The following KDM2A variants were observed in gnomAD, a reference collection of about 807,000 sequenced individuals.
The protein encoded by KDM2A is lysine-specific demethylase 2A.
Under a neutral mutation model 137.3 loss-of-function variants are expected in KDM2A, and 3 were observed. That is an observed-to-expected ratio of 0.02 (90% CI 0.01 to 0.06). The LOEUF (loss-of-function observed/expected upper bound fraction) is 0.06. Ranked by LOEUF, KDM2A falls within the 10% of genes least tolerant of loss-of-function variation. The pLI is 1.00. For synonymous variants in KDM2A, 512 were observed against 541.5 expected, an observed-to-expected ratio of 0.95 and a Z score of 0.76; for missense variants, 738 against 1,510.6, an observed-to-expected ratio of 0.49 and a Z score of 8.48.
At chr11:67,136,648 G>A (rs1170401540) in intron 2 of KDM2A, among the ~76,000 whole-genome samples, 1 of 152,182 alleles carries the variant, frequency 6.6e-6, no homozygotes, top group Non-Finnish European at 1.5e-5. Context: ...TTTGTACTGA[G>A]ACCTGAGTGA....
At chr11:67,153,613 A>G (rs1435295485) in intron 2 of KDM2A, among the ~76,000 whole-genome samples, 1 of 152,128 alleles carries the variant, frequency 6.6e-6, no homozygotes, top group East Asian at 1.9e-4. Context: ...CGGAAGGATT[A>G]TTTCAGACCA....
chr11:67,204,216 A>G (rs1857734789), intron 5 of KDM2A, among the ~76,000 whole-genome samples: 2 of 152,120 alleles, frequency 1.3e-5, no homozygotes. Flanking sequence ...TGCATAGAAC[A>G]TTTCATTGTC....
chr11:67,194,273 A>G (rs953674369), intron 5 of KDM2A, among the ~76,000 whole-genome samples: 76 of 152,214 alleles, frequency 5.0e-4, no homozygotes, highest in African/African-American at 1.6e-3. Context: ...CCTTTCCCAA[A>G]CTGGGGGAGG....
At chr11:67,121,925 A>G (rs1050096691) in intron 2 of KDM2A, among the ~76,000 whole-genome samples, 5 of 152,200 alleles carry the variant, frequency 3.3e-5, no homozygotes, top group Non-Finnish European at 7.3e-5. Flanking sequence ...AATGTACGAG[A>G]TAGATCTTGT....
rs1054594076 is a variant in KDM2A at position 67,257,541 on chromosome 11, A to G, written c.*2486A>G. The G allele has an allele frequency of 6.6e-6, 1 of 152,546 alleles. No individual in the cohort carries two copies. The highest frequency in any genetic ancestry group is 2.4e-5 in the African/African-American group (1 of 41,420). 9.4% of individuals were successfully genotyped at this position (152,546 alleles called of 1,614,324 possible). A position where few individuals can be genotyped will look rare whatever the true frequency, so the allele number is the denominator to read the frequency against. On this transcript the variant is annotated 3_prime_UTR_variant, in exon 21 of 21. Coordinates refer to ENST00000529006, the MANE Select transcript of KDM2A (RefSeq NM_012308.3). ...CTGCAGGACCAGAACCCCTGCCTCC[A>G]TCTTTCCAAGCACCGGGGCGAAAAA...
At chr11:67,195,994 T>A in intron 5 of KDM2A, 1 of 431,566 alleles carries the variant, frequency 2.3e-6, no homozygotes, top group East Asian at 6.1e-5. Flanking sequence ...TTCTTCAAAC[T>A]TATCTCAGAA....
rs920913149 is a variant in KDM2A, at chr11:67,258,008, A to T, written c.*2953A>T. The T allele has an allele frequency of 3.3e-5, 5 of 152,236 alleles. No individual in the cohort carries two copies. The highest frequency in any genetic ancestry group is 1.2e-4 in the African/African-American group (5 of 41,470). 9.4% of individuals were successfully genotyped at this position (152,236 alleles called of 1,614,324 possible). A position where few individuals can be genotyped will look rare whatever the true frequency, so the allele number is the denominator to read the frequency against. ...AAAGAAATAGCCTCCAATGGGAAAT[A>T]TTTTAATTTAGGTTTTGTTTTTGTT... On this transcript the variant is annotated 3_prime_UTR_variant, in exon 21 of 21. Transcript: ENST00000529006.
intron 5 of KDM2A, among the ~76,000 whole-genome samples, chr11:67,189,868 CAAAAG>C (rs1189171063): frequency 6.6e-6 from 1 of 151,834 alleles, no homozygotes; most frequent in African/African-American, 2.4e-5. Context: ...GTCTCTTTAA[CAAAAG>C]AAGAGAAACT....
chr11:67,201,997 G>A (rs905368614), intron 5 of KDM2A, among the ~76,000 whole-genome samples: 1 of 151,928 alleles, frequency 6.6e-6, no homozygotes, highest in African/African-American at 2.4e-5. Flanking sequence ...TGTGGTACAT[G>A]GGAGGAGGTC....
Position 67,231,625 on chromosome 11 carries a change from C to T in KDM2A, c.1144C>T (p.Pro382Ser), listed in dbSNP as rs1353623506. 2 of 1,612,180 alleles carry T rather than the reference C, an allele frequency of 1.2e-6. No homozygotes were observed. The highest frequency in any genetic ancestry group is 1.3e-5 in the African/African-American group (1 of 74,988). Residue 382 changes from proline (P) to serine (S), a missense_variant, in exon 12 of 21, where the codon CCC becomes TCC. By Grantham distance (74) the Pro-to-Ser change is moderately conservative. Transcript: ENST00000529006. ...GGATGAGGAAGCAGTGGATCGAGAA[C>T]CCCGACGCTTGAGCAGCAGGCGTTC... ...NGDEEAVDRE[P>S]RRLSSRRSVL...
chr11:67,247,422 CTTTTTTTTTTTTTT>C (rs56012601), intron 15 of KDM2A, among the ~76,000 whole-genome samples: 1 of 84,528 alleles, frequency 1.2e-5, no homozygotes, highest in Admixed American at 1.8e-4. Flanking sequence ...GCATTACAAT[CTTTTTTTTTTTTTT>C]TTTTTTTTTA....
intron 2 of KDM2A, among the ~76,000 whole-genome samples, chr11:67,140,106 A>C (rs1205894253): frequency 6.6e-6 from 1 of 152,064 alleles, no homozygotes; most frequent in Non-Finnish European, 1.5e-5. Context: ...TACACCTATA[A>C]TCCCAACACT....
chr11:67,247,151 G>A (rs1251477757), intron 15 of KDM2A, among the ~76,000 whole-genome samples: 8 of 127,040 alleles, frequency 6.3e-5, no homozygotes, highest in East Asian at 4.8e-4. Flanking sequence ...GTGCAGTGGC[G>A]TGACCTCGTC....
At chr11:67,128,009 CTT>C (rs56704753) in intron 2 of KDM2A, among the ~76,000 whole-genome samples, 23 of 107,878 alleles carry the variant, frequency 2.1e-4, no homozygotes, top group South Asian at 3.2e-4. Flanking sequence ...CACACCCGGC[CTT>C]TTTTTTTTTT....
At chr11:67,127,354 G>C (rs1291601688) in intron 2 of KDM2A, among the ~76,000 whole-genome samples, 2 of 152,010 alleles carry the variant, frequency 1.3e-5, no homozygotes, top group Admixed American at 6.6e-5. Context: ...TGAACTCCCA[G>C]ACTCAAGCGA....
At chr11:67,178,081 A>G (rs1450011101) in intron 2 of KDM2A, among the ~76,000 whole-genome samples, 3 of 152,186 alleles carry the variant, frequency 2.0e-5, no homozygotes, top group African/African-American at 7.2e-5. Flanking sequence ...TATTAGATAG[A>G]ATTCTCATAC....
At chr11:67,227,516 C>G (rs1858582316) in intron 10 of KDM2A, among the ~76,000 whole-genome samples, 1 of 151,572 alleles carries the variant, frequency 6.6e-6, no homozygotes, top group African/African-American at 2.4e-5. Flanking sequence ...TGATGCTTTC[C>G]CACTCAACCA....
chr11:67,243,126 T>C, intron 13 of KDM2A, 34 bp downstream of exon 13: 1 of 1,493,760 alleles, frequency 6.7e-7, no homozygotes, highest in Non-Finnish European at 9.3e-7. Flanking sequence ...TTTAGGCTGC[T>C]TAAGCCTTTT....
At chr11:67,181,483 C>G in intron 4 of KDM2A, 85 bp downstream of exon 4, 1 of 796,184 alleles carries the variant, frequency 1.3e-6, no homozygotes, top group Non-Finnish European at 2.0e-6. Flanking sequence ...ATTGATAACC[C>G]AAAACAATAG....
Sources: allele counts gnomAD v4.1 joint callset (sites outside exome capture counted in the v4.1 genomes callset), GRCh38; gene constraint gnomAD v4.1.1; transcripts MANE v1.5; gene names NCBI Gene and HGNC (gene_info 2026-07-23, HGNC 2026-07-21).